The following PDE8B variants were observed in gnomAD, a reference collection of about 807,000 sequenced individuals.
The protein encoded by PDE8B is high affinity cAMP-specific and IBMX-insensitive 3',5'-cyclic phosphodiesterase 8B.
In PDE8B, 26 loss-of-function variants were observed where a neutral mutation model predicts 101.3. That is an observed-to-expected ratio of 0.26 (90% CI 0.19 to 0.36). The LOEUF is 0.36. Among genes scored for constraint, PDE8B ranks in the 10% least tolerant of loss-of-function variants. The probability of loss-of-function intolerance (pLI) is 1.00; values close to 1 mark genes in which losing one functional copy is unlikely to be tolerated. For missense variants in PDE8B, 810 were observed against 1,163.1 expected, an observed-to-expected ratio of 0.70 and a Z score of 4.42; for synonymous variants, 424 against 429.3, an observed-to-expected ratio of 0.99 and a Z score of 0.15.
chr5:77,426,055 T>C, intron 21 of PDE8B, 159 bp downstream of exon 21: 2 of 700,242 alleles, frequency 2.9e-6, no homozygotes, highest in Non-Finnish European at 5.1e-6. Flanking sequence ...ATTCTTTGCA[T>C]CCCCAGCAGC....
At chr5:77,224,061 G>A (rs1751798755) in intron 1 of PDE8B, among the ~76,000 whole-genome samples, 1 of 152,130 alleles carries the variant, frequency 6.6e-6, no homozygotes. Context: ...AATGGTTCTT[G>A]CTTTTCTCAC....
chr5:77,334,532 G>C (rs998912986), intron 5 of PDE8B, among the ~76,000 whole-genome samples: 7 of 152,144 alleles, frequency 4.6e-5, no homozygotes, highest in Admixed American at 1.3e-4. Context: ...AGGCATGCCG[G>C]GGGCACAACT....
chr5:77,359,488 G>A (rs1358569073), intron 10 of PDE8B, among the ~76,000 whole-genome samples: 3 of 152,174 alleles, frequency 2.0e-5, no homozygotes, highest in Non-Finnish European at 4.4e-5. Flanking sequence ...TGCCCTGCAC[G>A]GATGGGGTTT....
At chr5:77,191,610 C>T in the PDE8B span, among the ~76,000 whole-genome samples, 3 of 152,130 alleles carry the variant, frequency 2.0e-5, no homozygotes, top group African/African-American at 7.2e-5. Context: ...GTCTCGGCCT[C>T]CCAAAGTGTT....
the PDE8B span, among the ~76,000 whole-genome samples, chr5:77,185,884 C>T: frequency 3.3e-5 from 5 of 152,100 alleles, no homozygotes; most frequent in Non-Finnish European, 7.4e-5. Context: ...GATGGGAAAC[C>T]TAGGGGTTAG....
At chr5:77,097,724 TATATATATAC>T in the PDE8B span, among the ~76,000 whole-genome samples, 4 of 48,742 alleles carry the variant, frequency 8.2e-5, no homozygotes, top group South Asian at 7.1e-4. Context: ...TATATATATA[TATATATATAC>T]ATACATATGA....
At chr5:77,312,566 G>T (rs984008393) in intron 2 of PDE8B, among the ~76,000 whole-genome samples, 3 of 152,234 alleles carry the variant, frequency 2.0e-5, no homozygotes, top group Non-Finnish European at 4.4e-5. Context: ...CAATGAAATG[G>T]TGAAGGGCTG....
chr5:77,148,928 C>T, the PDE8B span, among the ~76,000 whole-genome samples: 2 of 152,022 alleles, frequency 1.3e-5, no homozygotes, highest in African/African-American at 4.8e-5. Context: ...ATTTTTGTGT[C>T]GTATCTAAGA....
chr5:77,427,876 A>C lies in PDE8B; in HGVS notation c.*1322A>C, dbSNP rs1798427669. On this transcript the variant is annotated 3_prime_UTR_variant, in exon 22 of 22. Transcript: ENST00000264917. ...TCATGCTGCATTTTTAAAAGGTATA[A>C]ACAAACAGAGACTGAATTAATTGAA... The C allele has an allele frequency of 6.6e-6, 1 of 151,806 alleles. No homozygotes were observed. The highest frequency in any genetic ancestry group is 2.4e-5 in the African/African-American group (1 of 41,110). The allele number at this position is 151,806 out of a possible 1,614,324, so 9.4% of individuals were successfully genotyped here. A position where few individuals can be genotyped will look rare whatever the true frequency, so the allele number is the denominator to read the frequency against.
At chr5:77,337,456 C>T in intron 6 of PDE8B, 141 bp downstream of exon 6, 1 of 689,420 alleles carries the variant, frequency 1.5e-6, no homozygotes, top group Non-Finnish European at 2.7e-6. Context: ...GGCAGCTGGC[C>T]AACAGCAGTA....
At chr5:77,125,639 G>A in the PDE8B span, among the ~76,000 whole-genome samples, 5 of 152,132 alleles carry the variant, frequency 3.3e-5, no homozygotes, top group Middle Eastern at 3.4e-3. Flanking sequence ...AAGAAATTTG[G>A]GTATCTCCTA....
chr5:77,269,622 C>A (rs1035403385), intron 1 of PDE8B, among the ~76,000 whole-genome samples: 1 of 152,072 alleles, frequency 6.6e-6, no homozygotes, highest in Non-Finnish European at 1.5e-5. Flanking sequence ...TAGATTTAAG[C>A]CTTTAATCCA....
chr5:77,357,640 C>T (rs1782342957), intron 10 of PDE8B, among the ~76,000 whole-genome samples: 1 of 152,176 alleles, frequency 6.6e-6, no homozygotes, highest in African/African-American at 2.4e-5. Flanking sequence ...GGCTGCTCCA[C>T]CAAGCACCGT....
chr5:77,369,397 G>A (rs1299718350), intron 10 of PDE8B, among the ~76,000 whole-genome samples: 1 of 152,050 alleles, frequency 6.6e-6, no homozygotes, highest in Non-Finnish European at 1.5e-5. Context: ...AGCCCTGAGC[G>A]AAGGTTTCTG....
chr5:77,307,786 G>A (rs1424425773), intron 1 of PDE8B, among the ~76,000 whole-genome samples: 1 of 152,184 alleles, frequency 6.6e-6, no homozygotes, highest in Non-Finnish European at 1.5e-5. Context: ...ATGTGGCTAG[G>A]AAGTGTGTCT....
At chr5:77,329,082 T>C in intron 4 of PDE8B, 25 bp downstream of exon 4, 2 of 1,567,652 alleles carry the variant, frequency 1.3e-6, no homozygotes, top group Non-Finnish European at 1.8e-6. Flanking sequence ...CATTCCCAGA[T>C]GGAAGGAGTA....
intron 10 of PDE8B, among the ~76,000 whole-genome samples, chr5:77,359,052 G>A (rs1488981383): frequency 6.6e-6 from 1 of 152,052 alleles, no homozygotes; most frequent in Non-Finnish European, 1.5e-5. Context: ...GCCAACCCCC[G>A]AGCAGACATG....
the PDE8B span, chr5:77,146,761 C>T: frequency 3.9e-5 from 12 of 309,992 alleles, no homozygotes; most frequent in Admixed American, 1.1e-4. Context: ...ATGGCAAAGG[C>T]GAACAAGGCT....
the PDE8B span, among the ~76,000 whole-genome samples, chr5:77,205,231 T>C: frequency 1.1e-4 from 16 of 152,240 alleles, no homozygotes; most frequent in Non-Finnish European, 1.9e-4. Flanking sequence ...GTTTGCATTT[T>C]CTACAACTGG....
Sources: gnomAD v4.1 joint callset for allele counts (sites outside exome capture counted in the v4.1 genomes callset) on GRCh38, gnomAD v4.1.1 for gene constraint, MANE v1.5 for transcripts, NCBI Gene and HGNC (gene_info 2026-07-23, HGNC 2026-07-21) for gene names.